UBR4: variants seen among roughly 807,000 people sequenced by gnomAD.
UBR4 encodes the protein E3 ubiquitin-protein ligase UBR4.
In UBR4, 124 loss-of-function variants were observed where a neutral mutation model predicts 575.6. The observed-to-expected ratio is 0.22, with a 90% CI of 0.19 to 0.25. The LOEUF (loss-of-function observed/expected upper bound fraction) is 0.25, where lower values mean the gene tolerates loss of function less well. Among genes scored for constraint, UBR4 ranks in the 10% least tolerant of loss-of-function variants. The probability of loss-of-function intolerance (pLI) is 1.00; values close to 1 mark genes in which losing one functional copy is unlikely to be tolerated. For missense variants in UBR4, 4,818 were observed against 6,478.8 expected, an observed-to-expected ratio of 0.74 and a Z score of 8.80; for synonymous variants, 2,455 against 2,473.7, an observed-to-expected ratio of 0.99 and a Z score of 0.22.
Position 19,192,547 on chromosome 1 carries a change from A to C in UBR4, c.1144-7T>G. The C allele has an allele frequency of 1.2e-6, 2 of 1,614,142 alleles. No homozygotes were observed. Among genetic ancestry groups the C allele is most frequent in the Non-Finnish European group, 1.7e-6 (2 of 1,180,022 alleles). ...TCATGTCATAGATTTCGAGCTGTACAATATCAAACAGACACAAAAATCTGA... is the reference window on the plus strand; with the variant it reads ...TCATGTCATAGATTTCGAGCTGTACCATATCAAACAGACACAAAAATCTGA... On this transcript the variant is annotated splice_region_variant and splice_polypyrimidine_tract_variant and intron_variant, in intron 9 of 105. Coordinates refer to ENST00000375254, the MANE Select transcript of UBR4 (RefSeq NM_020765.3).
chr1:19,183,875 G>A lies in UBR4; in HGVS notation c.2120C>T (p.Ala707Val). 4 of 1,614,154 alleles carry A rather than the reference G, an allele frequency of 2.5e-6. No homozygotes were observed. The highest frequency in any genetic ancestry group is 3.4e-6 in the Non-Finnish European group (4 of 1,180,028). ...GLKGSSDEEF[A>V]AALYHFNHSL... Reference sequence around the variant, plus strand: ...GTGGTTGAAGTGATAGAGAGCTGCAGCAAACTCTTCATCTGATGAACCTTA... The same window carrying A: ...GTGGTTGAAGTGATAGAGAGCTGCAACAAACTCTTCATCTGATGAACCTTA... The change falls in exon 17 of 106, where the codon GCT (alanine) becomes GTT (valine). Residue 707 changes from alanine (A) to valine (V), a missense_variant. Transcript: ENST00000375254.
At chr1:19,104,825 C>T (rs1055257894) in intron 85 of UBR4, 159 bp from the exon 86 acceptor site, 60 of 1,069,530 alleles carry the variant, frequency 5.6e-5, no homozygotes, top group Non-Finnish European at 7.9e-5. Flanking sequence ...ACAGTCACAG[C>T]GCTGGTAAGG....
chr1:19,198,558 T>C lies in UBR4; in HGVS notation c.631A>G (p.Ile211Val), dbSNP rs770235402. 13 of 1,613,980 alleles carry C rather than the reference T, an allele frequency of 8.1e-6. No homozygotes were observed. Among genetic ancestry groups the C allele is most frequent in the African/African-American group, 1.3e-5 (1 of 74,898 alleles). ...FNPRTVASQP[I>V]STQTLVEGEN... is the part of the protein sequence containing the mutation. The stretch of plus-strand genomic sequence containing the variant: ...AAACTCACCAGAGTCTGTGTACTGA[T>C]AGGTTGTGATGCTACAGTTCTAGGG... Residue 211 changes from isoleucine to valine, a missense_variant, in exon 5 of 106, where the codon ATC (isoleucine) becomes GTC (valine). Ile to Val is a conservative substitution (Grantham distance 29). Coordinates refer to ENST00000375254, the MANE Select transcript of UBR4 (RefSeq NM_020765.3).
At position 19,167,245 on chromosome 1, in the gene UBR4, A is replaced by C; in HGVS notation, c.3900-14T>G. 1 of 1,614,026 alleles carries C rather than the reference A, an allele frequency of 6.2e-7. No homozygotes were observed. Among genetic ancestry groups the C allele is most frequent in the Non-Finnish European group, 8.5e-7 (1 of 1,179,898 alleles). ...TCATCTGACCAACTTCAGCAAAGAA[A>C]ATGAAATCGAGTTAGTGAATACACT... On this transcript the variant is annotated splice_polypyrimidine_tract_variant and intron_variant, in intron 28 of 105. Coordinates refer to ENST00000375254, the MANE Select transcript of UBR4 (RefSeq NM_020765.3).
chr1:19,129,756 C>G (rs191399659), intron 60 of UBR4, among the ~76,000 whole-genome samples: 1 of 143,456 alleles, frequency 7.0e-6, no homozygotes, highest in African/African-American at 2.5e-5. Flanking sequence ...TATGCTGATT[C>G]AAGAGGATGA....
intron 60 of UBR4, among the ~76,000 whole-genome samples, chr1:19,132,605 T>TAAAAAAAAAAAAAAAAAAAAAAA: frequency 4.2e-4 from 10 of 24,082 alleles, no homozygotes; most frequent in Middle Eastern, 0.028. Context: ...TAAAAAATGG[T>TAAAAAAAAAAAAAAAAAAAAAAA]AAAAAAAAAA....
chr1:19,129,141 C>T (rs2149654248), intron 60 of UBR4, 67 bp from the exon 61 acceptor site: 4 of 1,314,162 alleles, frequency 3.0e-6, no homozygotes, highest in Middle Eastern at 4.1e-4. Flanking sequence ...GAATACAGTT[C>T]CCTCCCCAAC....
intron 29 of UBR4, 110 bp downstream of exon 29, chr1:19,166,912 C>A: frequency 1.6e-6 from 2 of 1,258,124 alleles, no homozygotes; most frequent in Admixed American, 2.1e-5. Flanking sequence ...AAAAAAAAAC[C>A]ACACACAAAA....
intron 77 of UBR4, chr1:19,113,191 T>C: frequency 3.2e-6 from 1 of 310,464 alleles, no homozygotes; most frequent in Non-Finnish European, 5.9e-6. Flanking sequence ...AATTTGGGGT[T>C]GAGGGGGAAG....
In UBR4 at chr1:19,144,071, A is replaced by G. The variant is rs569169816; in HGVS notation, c.8088T>C (p.Ser2696=). Residue 2696 remains serine, a synonymous_variant, in exon 55 of 106, where the codon TCT becomes TCC. Transcript: ENST00000375254. ...GGACTCGAATTAGAGCTTGTTTACA[A>G]GAGAAGCTCACAGCAGGATCCTGAG... ...LLCPDPAVSF[S]CKQALIRVLR... The G allele has an allele frequency of 3.1e-6, 5 of 1,614,036 alleles. No individual in the cohort carries two copies. In the East Asian group the frequency reaches 1.1e-4, roughly 36 times the overall value.
intron 14 of UBR4, among the ~76,000 whole-genome samples, 197 bp downstream of exon 14, chr1:19,186,343 T>C (rs1378387879): frequency 6.6e-6 from 1 of 152,208 alleles, no homozygotes; most frequent in African/African-American, 2.4e-5. Flanking sequence ...GTTGTTTCCA[T>C]CATTCATTCA....
chr1:19,112,437 C>A (rs994488401), intron 78 of UBR4, 87 bp downstream of exon 78: 163 of 1,449,840 alleles, frequency 1.1e-4, no homozygotes, highest in Non-Finnish European at 1.4e-4. Context: ...GTCAGAAGCA[C>A]TATTCTGTGC....
Position 19,088,993 on chromosome 1 carries a change from C to G in UBR4, c.14212-16G>C. On this transcript the variant is annotated splice_polypyrimidine_tract_variant and intron_variant, in intron 97 of 105. Coordinates refer to ENST00000375254, the MANE Select transcript of UBR4 (RefSeq NM_020765.3). This position sits in a 1 kb window ranked among gnomAD's most constrained non-coding sequence, Gnocchi z 4.0. The stretch of plus-strand genomic sequence containing the variant: ...CAATCAGAACCTGCCAGTAAGAGAC[C>G]AGAGAGACACATGCCTCCAATTATG... 6.2e-7 allele frequency: 1 copy of G among 1,611,636 alleles called. No homozygotes were observed. The highest frequency in any genetic ancestry group is 8.5e-7 in the Non-Finnish European group (1 of 1,178,120).
rs565180682 is a variant in UBR4 at position 19,152,112 on chromosome 1, T to C, written c.6996+201A>G. Among the ~76,000 whole-genome samples, 2 of 152,346 alleles carry C rather than the reference T, an allele frequency of 1.3e-5. No homozygotes were observed. The highest frequency in any genetic ancestry group is 4.8e-5 in the African/African-American group (2 of 41,584). ...CCTCTACACAGTAATCCTGCTGGTA[T>C]TGGTGGAAACCCAACCTGTACAAGT... On this transcript the variant is annotated intron_variant, in intron 47 of 105. Transcript: ENST00000375254. The surrounding 1 kb of genome is among the most constrained non-coding windows in gnomAD (Gnocchi z 4.4).
At chr1:19,084,917 G>A (rs762449947) in intron 101 of UBR4, among the ~76,000 whole-genome samples, 4 of 152,128 alleles carry the variant, frequency 2.6e-5, no homozygotes, top group South Asian at 2.1e-4. Context: ...CGTGACACTC[G>A]CCAAGTTTTG....
intron 17 of UBR4, among the ~76,000 whole-genome samples, chr1:19,181,505 C>T (rs7519084): frequency 0.67 from 102,096 of 151,990 alleles, 35,155 homozygotes; most frequent in East Asian, 0.81. Context: ...ACTCCTTCCT[C>T]TCCATGCTCT....
chr1:19,173,691 T>C (rs2089893253), intron 22 of UBR4, 70 bp from the exon 23 acceptor site: 2 of 1,430,122 alleles, frequency 1.4e-6, no homozygotes, highest in Non-Finnish European at 1.9e-6. Flanking sequence ...CAGTACGAAC[T>C]ACTCCAAATA....
At chr1:19,135,668 C>A (rs762265680) in intron 60 of UBR4, among the ~76,000 whole-genome samples, 5 of 151,688 alleles carry the variant, frequency 3.3e-5, no homozygotes, top group Non-Finnish European at 7.4e-5. Flanking sequence ...TAATTAAGCA[C>A]AAGAAACACA....
At chr1:19,195,070 C>G (rs1312592159) in intron 8 of UBR4, among the ~76,000 whole-genome samples, 1 of 151,224 alleles carries the variant, frequency 6.6e-6, no homozygotes, top group Non-Finnish European at 1.5e-5. Flanking sequence ...ACCATCCTGG[C>G]TGACATGGTG....
Sources: allele counts gnomAD v4.1 joint callset (sites outside exome capture counted in the v4.1 genomes callset), GRCh38; gene constraint gnomAD v4.1.1; non-coding constraint Gnocchi (gnomAD v3.1); transcripts MANE v1.5; gene names NCBI Gene and HGNC (gene_info 2026-07-23, HGNC 2026-07-21).